The following MACROD2 variants were observed in gnomAD, a reference collection of about 807,000 sequenced individuals.
MACROD2 encodes ADP-ribose glycohydrolase MACROD2.
In MACROD2, 36 loss-of-function variants were observed where a neutral mutation model predicts 70.4. The ratio of observed to expected loss-of-function variants is 0.51; its 90% CI spans 0.39 to 0.68. MACROD2 has a LOEUF of 0.68. MACROD2 is among the 30% of genes least tolerant of loss of function. The probability of loss-of-function intolerance (pLI) is 0.00; values close to 1 mark genes in which losing one functional copy is unlikely to be tolerated. For missense variants in MACROD2, 496 were observed against 538.4 expected (o/e 0.92, Z 0.78); for synonymous variants, 172 against 178.8 (o/e 0.96, Z 0.30).
intron 6 of MACROD2, among the ~76,000 whole-genome samples, chr20:15,302,766 G>A (rs1351657744): frequency 2.6e-5 from 4 of 152,128 alleles, no homozygotes; most frequent in Non-Finnish European, 1.5e-5. Context: ...ACATTCCACC[G>A]GCAGTGTATG....
chr20:14,011,575 C>T (rs2052907579), intron 2 of MACROD2, among the ~76,000 whole-genome samples: 1 of 151,622 alleles, frequency 6.6e-6, no homozygotes, highest in Admixed American at 6.6e-5. Context: ...GTCACCCAGG[C>T]TGGAGTGCAG....
intron 4 of MACROD2, among the ~76,000 whole-genome samples, chr20:14,646,540 G>A (rs530379808): frequency 6.6e-6 from 1 of 152,166 alleles, no homozygotes; most frequent in African/African-American, 2.4e-5. Context: ...AGAGAACTTA[G>A]TGGATTCATC....
chr20:15,621,650 CA>C (rs2049127485), intron 8 of MACROD2, among the ~76,000 whole-genome samples: 1 of 152,124 alleles, frequency 6.6e-6, no homozygotes, highest in African/African-American at 2.4e-5. Context: ...CTGGTCCTTT[CA>C]TGTTCCTGAT....
intron 8 of MACROD2, among the ~76,000 whole-genome samples, chr20:15,674,034 C>A (rs183170965): frequency 6.6e-6 from 1 of 152,024 alleles, no homozygotes; most frequent in African/African-American, 2.4e-5. Context: ...CTTGCATGTG[C>A]GTATGAATCA....
chr20:14,802,355 C>T (rs80227301), intron 5 of MACROD2, among the ~76,000 whole-genome samples: 2,048 of 152,040 alleles, frequency 0.013, 47 homozygotes, highest in African/African-American at 0.047. Flanking sequence ...TCTTTTATGG[C>T]TAAACGCTTT....
chr20:15,787,482 G>A (rs1380888702), intron 8 of MACROD2, among the ~76,000 whole-genome samples: 2 of 151,996 alleles, frequency 1.3e-5, no homozygotes, highest in Non-Finnish European at 2.9e-5. Flanking sequence ...CCCAGTAGGA[G>A]TCCCCCGTGG....
chr20:15,439,289 A>T (rs149242780), intron 7 of MACROD2, among the ~76,000 whole-genome samples: 1 of 152,162 alleles, frequency 6.6e-6, no homozygotes, highest in African/African-American at 2.4e-5. Context: ...TCACTTTTAG[A>T]TTTATGCCCC....
intron 3 of MACROD2, among the ~76,000 whole-genome samples, chr20:14,251,881 TATTA>T (rs1431286449): frequency 6.6e-6 from 1 of 152,102 alleles, no homozygotes; most frequent in Non-Finnish European, 1.5e-5. Flanking sequence ...ACCATGTATC[TATTA>T]ATTTACCTTC....
In MACROD2 at chr20:14,917,576, C is replaced by T. The variant is rs532988151; in HGVS notation, c.418+232617C>T. Among the ~76,000 whole-genome samples the T allele has an allele frequency of 9.9e-5, 15 of 152,142 alleles. No individual in the cohort carries two copies. In the South Asian group the frequency reaches 2.7e-3, roughly 27 times the overall value. Reference sequence around the variant, plus strand: ...CACCGGGAAGCCTATGGAAGACCAACACATAGAATGGGCAGAGGAAGACAA... The same window carrying T: ...CACCGGGAAGCCTATGGAAGACCAATACATAGAATGGGCAGAGGAAGACAA... On this transcript the variant is annotated intron_variant, in intron 5 of 17. Coordinates refer to ENST00000684519, the MANE Select transcript of MACROD2 (RefSeq NM_001351661.2).
chr20:14,570,195 C>T (rs1339786621), intron 4 of MACROD2, among the ~76,000 whole-genome samples: 3 of 151,978 alleles, frequency 2.0e-5, no homozygotes, highest in African/African-American at 7.2e-5. Flanking sequence ...GTATATACAA[C>T]GGCATGGATT....
At chr20:14,801,291 T>C (rs780746512) in intron 5 of MACROD2, among the ~76,000 whole-genome samples, 53 of 152,248 alleles carry the variant, frequency 3.5e-4, no homozygotes, top group Non-Finnish European at 6.2e-4. Context: ...AAAGCTACTC[T>C]GTGTCTTTGC....
chr20:14,651,046 T>C (rs148705965), intron 4 of MACROD2, among the ~76,000 whole-genome samples: 2 of 152,290 alleles, frequency 1.3e-5, no homozygotes, highest in Admixed American at 6.5e-5. Context: ...ATTAGGTCTA[T>C]AGAATGTCAA....
rs2083473759 is a variant in MACROD2, at chr20:14,386,901, TG to T, written c.272-106576del. 7.2e-5 allele frequency among the ~76,000 whole-genome samples: 11 copies of T among 152,340 alleles called. No individual in the cohort carries two copies. The South Asian group carries it at 2.3e-3, about 32-fold the overall frequency. Reference sequence around the variant, plus strand: ...TAGAGACAGAAACTGCATAAGGCTATGGCCTTGGATGACATCACCAGGAGTG... The same window carrying T: ...TAGAGACAGAAACTGCATAAGGCTATGCCTTGGATGACATCACCAGGAGTG... On this transcript the variant is annotated intron_variant, in intron 3 of 17. Coordinates refer to ENST00000684519, the MANE Select transcript of MACROD2 (RefSeq NM_001351661.2).
chr20:15,309,152 A>C (rs1452365328), intron 6 of MACROD2, among the ~76,000 whole-genome samples: 1 of 152,238 alleles, frequency 6.6e-6, no homozygotes, highest in Non-Finnish European at 1.5e-5. Flanking sequence ...CCTTTTCTAT[A>C]ACTTCTACAA....
intron 5 of MACROD2, among the ~76,000 whole-genome samples, chr20:14,769,273 T>C (rs1381357393): frequency 6.6e-6 from 1 of 152,108 alleles, no homozygotes; most frequent in Non-Finnish European, 1.5e-5. Context: ...TGTAAAGAGG[T>C]ATTTCTTCTG....
At chr20:14,887,819 T>C (rs1421246288) in intron 5 of MACROD2, among the ~76,000 whole-genome samples, 2 of 151,738 alleles carry the variant, frequency 1.3e-5, no homozygotes, top group African/African-American at 4.8e-5. Context: ...ACAATTGGAC[T>C]TGTCTCGTGA....
chr20:15,242,521 T>A (rs1490460968), intron 6 of MACROD2, among the ~76,000 whole-genome samples: 1 of 152,214 alleles, frequency 6.6e-6, no homozygotes, highest in African/African-American at 2.4e-5. Context: ...TGTCTTTGTT[T>A]TTGGTGTTAT....
At chr20:14,543,294 C>G (rs1600365365) in intron 4 of MACROD2, among the ~76,000 whole-genome samples, 1 of 152,318 alleles carries the variant, frequency 6.6e-6, no homozygotes, top group Non-Finnish European at 1.5e-5. Flanking sequence ...CAGAACAGAA[C>G]AGCATGAAAT....
intron 3 of MACROD2, among the ~76,000 whole-genome samples, chr20:14,204,225 C>G (rs1308566827): frequency 6.6e-6 from 1 of 152,108 alleles, no homozygotes; most frequent in Non-Finnish European, 1.5e-5. Context: ...TTCCTTTGTC[C>G]CAGGGGCAGG....
Sources: gnomAD v4.1 joint callset for allele counts (sites outside exome capture counted in the v4.1 genomes callset) on GRCh38, gnomAD v4.1.1 for gene constraint, MANE v1.5 for transcripts, NCBI Gene and HGNC (gene_info 2026-07-23, HGNC 2026-07-21) for gene names.